Variants in DUS1L observed in about 807,000 individuals in gnomAD.
DUS1L encodes the protein dihydrouridine synthase 1 like, also known as tRNA-dihydrouridine(16/17) synthase [NAD(P)(+)]-like.
Under a neutral mutation model 61.2 loss-of-function variants are expected in DUS1L, and 56 were observed. That is an observed-to-expected ratio of 0.92 (90% CI 0.74 to 1.14). The LOEUF is 1.14. DUS1L is among the 50% of genes most tolerant of loss of function. The probability of loss-of-function intolerance (pLI) is 0.00; values close to 1 mark genes in which losing one functional copy is unlikely to be tolerated. For synonymous variants in DUS1L, 278 were observed against 259.5 expected, an observed-to-expected ratio of 1.07 and a Z score of -0.69; for missense variants, 630 against 632.4, an observed-to-expected ratio of 1.00 and a Z score of 0.04.
In DUS1L at chr17:82,060,780, C is replaced by T. The variant is rs1207507762; in HGVS notation, c.943G>A (p.Glu315Lys). The stretch of plus-strand genomic sequence containing the variant: ...TTCGCTCCCTCCTGCCTGGATATCT[C>T]CTCCTGCAAAAGCCCAAGGCCCTGG... The part of the protein sequence containing the change: ...SQELKLRCQE[E>K]ISRQEGAKPT... The change falls in exon 10 of 14, where the codon GAG becomes AAG. Residue 315 changes from glutamate to lysine, a missense_variant. Transcript: ENST00000306796. 22 of 1,612,230 alleles carry T rather than the reference C, an allele frequency of 1.4e-5. No homozygotes were observed. Among genetic ancestry groups the T allele is most frequent in the East Asian group, 8.9e-5 (4 of 44,858 alleles).
chr17:82,058,846 G>T (rs2033249034), intron 11 of DUS1L, 28 bp from the exon 12 acceptor site: 1 of 1,600,094 alleles, frequency 6.2e-7, no homozygotes, highest in African/African-American at 1.3e-5. Flanking sequence ...GGGTGCTGGT[G>T]AGTGAGGGCC....
At chr17:82,064,788 C>G (rs988702524) in intron 2 of DUS1L, 35 bp downstream of exon 2, 17 of 1,576,326 alleles carry the variant, frequency 1.1e-5, no homozygotes, top group Non-Finnish European at 1.4e-5. Flanking sequence ...ACCGGGAACC[C>G]AACCGCGGCC....
rs557050754 is a variant in DUS1L at position 82,063,880 on chromosome 17, C to T, written c.346+246G>A. 1.5e-4 allele frequency among the ~76,000 whole-genome samples: 23 copies of T among 152,316 alleles called. No individual in the cohort carries two copies. The South Asian group carries it at 4.8e-3, about 32-fold the overall frequency. On this transcript the variant is annotated intron_variant, in intron 3 of 13. Coordinates refer to ENST00000306796, the MANE Select transcript of DUS1L (RefSeq NM_022156.5). ...GGGGGTAATGGGGACCCTGTATCAG[C>T]AATCATGTTTATGCAGAGGGAGCTC...
rs762966263 is a variant in DUS1L at position 82,064,907 on chromosome 17, G to A, written c.153C>T (p.Ala51=). The A allele has an allele frequency of 1.2e-6, 2 of 1,612,750 alleles. No homozygotes were observed. Among genetic ancestry groups the A allele is most frequent in the African/African-American group, 1.3e-5 (1 of 75,060 alleles). The change falls in exon 2 of 14, where the codon GCC becomes GCT. Residue 51 remains alanine (A), a synonymous_variant. Coordinates refer to ENST00000306796, the MANE Select transcript of DUS1L (RefSeq NM_022156.5). ...AQLCYTPMLH[A]QVFVRDANYR... ...AGTTGGCGTCGCGGACAAAGACCTG[G>A]GCATGCAGCATGGGCGTGTAGCAGA...
chr17:82,061,257 CA>C lies in DUS1L; in HGVS notation c.793del (p.Cys265AlafsTer31). On this transcript the variant is annotated frameshift_variant, in exon 8 of 14. Coordinates refer to ENST00000306796, the MANE Select transcript of DUS1L (RefSeq NM_022156.5). LOFTEE classifies it high-confidence loss of function. ...GTGGGCCCGGACGTAGGACAGGGGG[CA>C]GGGGTGCTCCCGCACGATGTCCAGA... Reference protein sequence around the residue: ...EYLDIVREHPCPLSYVRAHLF... With the variant: ...EYLDIVREHPXPLSYVRAHLF... 22 of 1,610,356 alleles carry C rather than the reference CA, an allele frequency of 1.4e-5. No individual in the cohort carries two copies. Among genetic ancestry groups the C allele is most frequent in the South Asian group, 2.2e-5 (2 of 90,806 alleles).
rs114708975 is a variant in DUS1L, at chr17:82,062,763, A to T, written c.510+98T>A. 143 of 1,105,810 alleles carry T rather than the reference A, an allele frequency of 1.3e-4. No homozygotes were observed. In the African/African-American group the frequency reaches 1.9e-3, roughly 15 times the overall value. 68.5% of individuals were successfully genotyped at this position (1,105,810 alleles called of 1,614,324 possible). A position where few individuals can be genotyped will look rare whatever the true frequency, so the allele number is the denominator to read the frequency against. ...GAGGGCCACTGCCCCCATGAGGCCGACGGTGCACGGTGTCTGGACACAGGA... is the reference window on the plus strand; with the variant it reads ...GAGGGCCACTGCCCCCATGAGGCCGTCGGTGCACGGTGTCTGGACACAGGA... On this transcript the variant is annotated intron_variant, in intron 5 of 13. Transcript: ENST00000306796.
At chr17:82,059,554 T>C in intron 11 of DUS1L, 1 of 195,086 alleles carries the variant, frequency 5.1e-6, no homozygotes, top group Non-Finnish European at 1.0e-5. Context: ...GTCCCGTGCC[T>C]TTGGCCCAGC....
chr17:82,064,975 C>T lies in DUS1L; in HGVS notation c.85G>A (p.Glu29Lys), dbSNP rs754317496. 3 of 1,612,306 alleles carry T rather than the reference C, an allele frequency of 1.9e-6. No homozygotes were observed. Among genetic ancestry groups the T allele is most frequent in the East Asian group, 2.2e-5 (1 of 44,870 alleles). ...HVVAPMVDQS[E>K]LAWRLLSRRH... ...CGGCTCAGCAGCCTCCAGGCCAGCTCGCTCTGGTCCACCATGGGGGCCACG... is the reference window on the plus strand; with the variant it reads ...CGGCTCAGCAGCCTCCAGGCCAGCTTGCTCTGGTCCACCATGGGGGCCACG... The change falls in exon 2 of 14, where the codon GAG becomes AAG. Residue 29 changes from glutamate to lysine, a missense_variant. Physicochemically the swap from Glu to Lys is moderately conservative, Grantham distance 56 (BLOSUM62 1). Coordinates refer to ENST00000306796, the MANE Select transcript of DUS1L (RefSeq NM_022156.5).
chr17:82,063,097 G>C (rs993526186), intron 4 of DUS1L, 124 bp from the exon 5 acceptor site: 1 of 828,012 alleles, frequency 1.2e-6, no homozygotes, highest in Non-Finnish European at 1.9e-6. Context: ...CTGGGAGGCA[G>C]CCCGGGCCAC....
Position 82,058,119 on chromosome 17 carries a change from G to A in DUS1L, c.1418C>T (p.Ala473Val), listed in dbSNP as rs150547115. The change falls in exon 14 of 14, where the codon GCC becomes GTC. Residue 473 changes from alanine to valine, a missense_variant. Physicochemically the swap from Ala to Val is moderately conservative, Grantham distance 64 (BLOSUM62 0). Coordinates refer to ENST00000306796, the MANE Select transcript of DUS1L (RefSeq NM_022156.5). ...GGGGGTGGGGGTTGTGGGCCTTCAG[G>A]CCAGGGCACTGCCCATGACTTCGGA... is the stretch of plus-strand genomic sequence containing the variant. ...GFSEVMGSAL[A>V] 1.3e-6 allele frequency: 2 copies of A among 1,565,528 alleles called. No individual in the cohort carries two copies. Among genetic ancestry groups the A allele is most frequent in the East Asian group, 4.6e-5 (2 of 43,016 alleles).
intron 11 of DUS1L, chr17:82,059,079 C>T (rs944996384): frequency 2.0e-5 from 11 of 544,456 alleles, no homozygotes; most frequent in African/African-American, 9.5e-5. Context: ...CGCCGCAGGA[C>T]GAGCAGCCTT....
chr17:82,062,214 T>A (rs2033542282), intron 5 of DUS1L, among the ~76,000 whole-genome samples: 1 of 152,152 alleles, frequency 6.6e-6, no homozygotes, highest in South Asian at 2.1e-4. Flanking sequence ...CTGCACTCTG[T>A]GGGAACCTCA....
intron 12 of DUS1L, 25 bp downstream of exon 12, chr17:82,058,756 T>C: frequency 6.2e-7 from 1 of 1,613,160 alleles, no homozygotes. Flanking sequence ...GAAGCCTTGG[T>C]GGCTTGCAGC....
intron 7 of DUS1L, 66 bp downstream of exon 7, chr17:82,061,552 C>A: frequency 1.3e-6 from 2 of 1,538,478 alleles, no homozygotes; most frequent in Non-Finnish European, 1.8e-6. Context: ...GTGGGAGGCA[C>A]CGACCTGGGC....
chr17:82,061,847 G>A (rs2033516904), intron 6 of DUS1L, 54 bp downstream of exon 6: 1 of 1,586,852 alleles, frequency 6.3e-7, no homozygotes, highest in Non-Finnish European at 8.6e-7. Context: ...TGTGGAGCTG[G>A]GACCCCCAGC....
chr17:82,058,016 C>T lies in DUS1L; in HGVS notation c.*99G>A. On this transcript the variant is annotated 3_prime_UTR_variant, in exon 14 of 14. Transcript: ENST00000306796. ...GAAGGGGGACATGGGCGTGTCTTTC[C>T]ACATTAAGTAGCAGGAGATTCCCTG... The T allele has an allele frequency of 7.1e-7, 1 of 1,399,034 alleles. No homozygotes were observed. The highest frequency in any genetic ancestry group is 9.4e-7 in the Non-Finnish European group (1 of 1,067,010). The allele number at this position is 1,399,034 out of a possible 1,614,324, so 86.7% of individuals were successfully genotyped here. A position where few individuals can be genotyped will look rare whatever the true frequency, so the allele number is the denominator to read the frequency against.
rs1253203998 is a variant in DUS1L, at chr17:82,060,009, G to T, written c.1107C>A (p.Ser369=). The change falls in exon 11 of 14, where the codon TCC becomes TCA. Residue 369 remains serine (S), a synonymous_variant. Transcript: ENST00000306796. ...EEEEGGTEVL[S]KNKQKKQLRN... ...TCAGCTGCTTCTTTTGCTTGTTCTT[G>T]GACAGGACCTCCGTGCCACCCTCCT... 3.8e-5 allele frequency: 61 copies of T among 1,613,824 alleles called. No homozygotes were observed. In the Admixed American group the frequency reaches 1.0e-3, roughly 27 times the overall value.
chr17:82,062,621 A>C (rs2033563422), intron 5 of DUS1L, among the ~76,000 whole-genome samples: 1 of 152,242 alleles, frequency 6.6e-6, no homozygotes, highest in Non-Finnish European at 1.5e-5. Flanking sequence ...TATGTCAGAG[A>C]TGCCGACATT....
At chr17:82,063,181 G>A (rs1249501988) in intron 4 of DUS1L, 2 of 632,872 alleles carry the variant, frequency 3.2e-6, no homozygotes, top group East Asian at 5.5e-5. Flanking sequence ...GTTCAAACAA[G>A]CAGGGCCAAG....
Sources: gnomAD v4.1 joint callset for allele counts (sites outside exome capture counted in the v4.1 genomes callset) on GRCh38, gnomAD v4.1.1 for gene constraint, MANE v1.5 for transcripts, NCBI Gene and HGNC (gene_info 2026-07-23, HGNC 2026-07-21) for gene names.